MANBA: variants seen among roughly 807,000 people sequenced by gnomAD.
MANBA encodes beta-mannosidase.
A neutral mutation model predicts 111.1 loss-of-function variants in MANBA; 83 were observed. That is an observed-to-expected ratio of 0.75 (90% CI 0.63 to 0.90). The LOEUF (loss-of-function observed/expected upper bound fraction) is 0.90. MANBA is among the 40% of genes least tolerant of loss of function. The pLI is 0.00. For synonymous variants in MANBA, 370 were observed against 378.7 expected, an observed-to-expected ratio of 0.98 and a Z score of 0.27; for missense variants, 1,036 against 1,069.0, an observed-to-expected ratio of 0.97 and a Z score of 0.43.
intron 5 of MANBA, among the ~76,000 whole-genome samples, chr4:102,697,528 C>A (rs1185049046): frequency 2.5e-5 from 3 of 120,796 alleles, no homozygotes; most frequent in African/African-American, 6.2e-5. Flanking sequence ...CCACAACAGT[C>A]CCCAGAGTGT....
In MANBA at chr4:102,722,675, T is replaced by C. The variant is rs1418743423; in HGVS notation, c.549+196A>G. 3 of 619,812 alleles carry C rather than the reference T, an allele frequency of 4.8e-6. No individual in the cohort carries two copies. In the African/African-American group the frequency reaches 5.5e-5, roughly 11 times the overall value. The allele number at this position is 619,812 out of a possible 1,614,324, so 38.4% of individuals were successfully genotyped here. A position where few individuals can be genotyped will look rare whatever the true frequency, so the allele number is the denominator to read the frequency against. ...TCTGAACACGCTTCAGGAAGAAAAC[T>C]TAGAAAAAGATAAAGATTCTCCACA... On this transcript the variant is annotated intron_variant, in intron 4 of 16. Transcript: ENST00000647097.
At chr4:102,637,363 A>G (rs1042080611) in intron 14 of MANBA, among the ~76,000 whole-genome samples, 4 of 152,204 alleles carry the variant, frequency 2.6e-5, no homozygotes, top group African/African-American at 9.6e-5. Context: ...CAGGTCTCTA[A>G]TCCGATTGTG....
At chr4:102,633,384 T>C in intron 16 of MANBA, 1 of 398,712 alleles carries the variant, frequency 2.5e-6, no homozygotes, top group Non-Finnish European at 4.4e-6. Context: ...AAAGAGATGC[T>C]GGTGTCATGC....
At chr4:102,657,249 AAT>A (rs1730607073) in intron 12 of MANBA, among the ~76,000 whole-genome samples, 1 of 143,812 alleles carries the variant, frequency 7.0e-6, no homozygotes, top group African/African-American at 2.6e-5. Context: ...GTGGTAATGG[AAT>A]AGGAGGAGAA....
At position 102,631,738 on chromosome 4, in the gene MANBA, T is replaced by G; in HGVS notation, c.*319A>C. 2 of 562,368 alleles carry G rather than the reference T, an allele frequency of 3.6e-6. No homozygotes were observed. Among genetic ancestry groups the G allele is most frequent in the African/African-American group, 3.7e-5 (2 of 53,612 alleles). 34.8% of individuals were successfully genotyped at this position (562,368 alleles called of 1,614,324 possible). On this transcript the variant is annotated 3_prime_UTR_variant, in exon 17 of 17. Transcript: ENST00000647097. ...TTCCATAGATCCTGCCATGTCACATTCTTGTAACCAGCTGCAGGGCCATCT... is the reference window on the plus strand; with the variant it reads ...TTCCATAGATCCTGCCATGTCACATGCTTGTAACCAGCTGCAGGGCCATCT...
chr4:102,711,036 A>G (rs1722042307), intron 5 of MANBA, among the ~76,000 whole-genome samples: 1 of 152,140 alleles, frequency 6.6e-6, no homozygotes, highest in African/African-American at 2.4e-5. Flanking sequence ...TACGAGAAGC[A>G]TTTCAAGACA....
Position 102,636,008 on chromosome 4 carries a change from C to T in MANBA, c.2015-1G>A. ...AGCATTTTCCACTTTCCTCCGTACT[C>T]TGAAAATAATCAAGAGTGTCAGGAG... On this transcript the variant is annotated splice_acceptor_variant, in intron 14 of 16. Transcript: ENST00000647097. LOFTEE classifies it high-confidence loss of function. 1 of 1,613,422 alleles carries T rather than the reference C, an allele frequency of 6.2e-7. No homozygotes were observed. Among genetic ancestry groups the T allele is most frequent in the African/African-American group, 1.3e-5 (1 of 75,020 alleles).
Position 102,657,876 on chromosome 4 carries a change from T to C in MANBA, c.1510A>G (p.Thr504Ala), listed in dbSNP as rs770608429. Residue 504 changes from threonine to alanine, a missense_variant, in exon 12 of 17, where the codon ACG becomes GCG. Transcript: ENST00000647097. ...LAGDKSRPFITSSPTNGAETV... is the reference protein window; with the variant it reads ...LAGDKSRPFIASSPTNGAETV... ...TCAGCCCCATTTGTAGGACTGGACGTAATAAAAGGACGACTCTTGTCTCCC... is the reference window on the plus strand; with the variant it reads ...TCAGCCCCATTTGTAGGACTGGACGCAATAAAAGGACGACTCTTGTCTCCC... 6.2e-7 allele frequency: 1 copy of C among 1,612,956 alleles called. No individual in the cohort carries two copies. Among genetic ancestry groups the C allele is most frequent in the Non-Finnish European group, 8.5e-7 (1 of 1,178,924 alleles).
At position 102,678,941 on chromosome 4, in the gene MANBA, A is replaced by G. The variant is rs895270427; in HGVS notation, c.961-4871T>C. 2.0e-5 allele frequency among the ~76,000 whole-genome samples: 3 copies of G among 152,260 alleles called. No individual in the cohort carries two copies. In the South Asian group the frequency reaches 6.2e-4, roughly 31 times the overall value. On this transcript the variant is annotated intron_variant, in intron 7 of 16. Coordinates refer to ENST00000647097, the MANE Select transcript of MANBA (RefSeq NM_005908.4). ...CAGATACTTAAAAAGCTGTAATAGCATCACTACATTTTCAAAAGGGCAATT... is the reference window on the plus strand; with the variant it reads ...CAGATACTTAAAAAGCTGTAATAGCGTCACTACATTTTCAAAAGGGCAATT...
chr4:102,636,021 A>C lies in MANBA; in HGVS notation c.2015-14T>G. On this transcript the variant is annotated splice_polypyrimidine_tract_variant and intron_variant, in intron 14 of 16. Coordinates refer to ENST00000647097, the MANE Select transcript of MANBA (RefSeq NM_005908.4). The stretch of plus-strand genomic sequence containing the variant: ...TTCCTCCGTACTCTGAAAATAATCA[A>C]GAGTGTCAGGAGACGGCAAGGTCAA... The C allele has an allele frequency of 1.2e-6, 2 of 1,612,878 alleles. No homozygotes were observed. The highest frequency in any genetic ancestry group is 1.7e-6 in the Non-Finnish European group (2 of 1,178,948).
intron 5 of MANBA, among the ~76,000 whole-genome samples, chr4:102,699,824 T>A (rs564630693): frequency 3.2e-4 from 48 of 150,872 alleles, no homozygotes; most frequent in Admixed American, 8.6e-4. Context: ...ATTCTCTTTT[T>A]TGGTTGTGTC....
At chr4:102,659,744 C>T (rs1730840644) in intron 11 of MANBA, among the ~76,000 whole-genome samples, 1 of 152,184 alleles carries the variant, frequency 6.6e-6, no homozygotes, top group Non-Finnish European at 1.5e-5. Flanking sequence ...CTTCTACTTA[C>T]TAAATAAAGC....
intron 7 of MANBA, among the ~76,000 whole-genome samples, chr4:102,679,965 G>T (rs1009913927): frequency 6.6e-6 from 1 of 151,616 alleles, no homozygotes; most frequent in Non-Finnish European, 1.5e-5. Flanking sequence ...TATTTCTTCT[G>T]TAAAATCAGA....
At chr4:102,747,346 T>C (rs528701290) in intron 1 of MANBA, among the ~76,000 whole-genome samples, 68 of 152,278 alleles carry the variant, frequency 4.5e-4, no homozygotes, top group South Asian at 8.3e-4. Context: ...GCTGGGAGGA[T>C]AAGCCACTAT....
intron 15 of MANBA, 116 bp downstream of exon 15, chr4:102,635,749 T>C (rs542635304): frequency 9.3e-6 from 10 of 1,073,646 alleles, no homozygotes; most frequent in East Asian, 5.2e-5. Flanking sequence ...CCTGAATATA[T>C]GTATTCTAAC....
chr4:102,693,090 A>G (rs1040536285), intron 5 of MANBA, among the ~76,000 whole-genome samples: 14 of 152,194 alleles, frequency 9.2e-5, no homozygotes, highest in African/African-American at 3.4e-4. Flanking sequence ...ATTCTGAGAA[A>G]TACTAGTCGA....
chr4:102,734,105 TTGAC>T (rs1446644948), intron 1 of MANBA, among the ~76,000 whole-genome samples: 2 of 152,236 alleles, frequency 1.3e-5, no homozygotes, highest in Non-Finnish European at 2.9e-5. Flanking sequence ...AGTGTGGACT[TTGAC>T]TGATAAAGAT....
intron 5 of MANBA, among the ~76,000 whole-genome samples, chr4:102,697,119 T>C (rs75184827): frequency 0.028 from 4,228 of 152,218 alleles, 134 homozygotes; most frequent in African/African-American, 0.078. Context: ...GATAAGTTAG[T>C]AAGCTCCAAA....
At chr4:102,734,618 G>T in intron 1 of MANBA, 1 of 1,582,076 alleles carries the variant, frequency 6.3e-7, no homozygotes, top group South Asian at 1.1e-5. Flanking sequence ...AGCGGTAGAA[G>T]AGGAGGCCCG....
Sources: gnomAD v4.1 joint callset for allele counts (sites outside exome capture counted in the v4.1 genomes callset) on GRCh38, gnomAD v4.1.1 for gene constraint, MANE v1.5 for transcripts, NCBI Gene and HGNC (gene_info 2026-07-23, HGNC 2026-07-21) for gene names.